ZFTRAF1: variants seen among roughly 807,000 people sequenced by gnomAD.
The protein encoded by ZFTRAF1 is zinc finger TRAF-type-containing protein 1.
the ZFTRAF1 span, chr8:144,453,526 A>G: frequency 3.6e-6 from 5 of 1,401,148 alleles, no homozygotes; most frequent in African/African-American, 7.1e-5. Flanking sequence ...ACACCCGCCC[A>G]TGCCCATCAG....
chr8:144,450,520 G>A, the ZFTRAF1 span: 8 of 718,316 alleles, frequency 1.1e-5, no homozygotes, highest in Non-Finnish European at 2.1e-5. Context: ...AGTGGTAGAT[G>A]ACGGGGCTGA....
chr8:144,459,399 G>T, the ZFTRAF1 span, among the ~76,000 whole-genome samples: 8 of 152,374 alleles, frequency 5.3e-5, no homozygotes, highest in South Asian at 1.0e-3. Context: ...CCCACACAGA[G>T]AACATAAAAG....
the ZFTRAF1 span, among the ~76,000 whole-genome samples, chr8:144,460,381 G>A: frequency 6.6e-6 from 1 of 152,248 alleles, no homozygotes; most frequent in East Asian, 1.9e-4. Context: ...GTCACCAGGA[G>A]CTCCGGTCAG....
At chr8:144,461,918 T>C in the ZFTRAF1 span, among the ~76,000 whole-genome samples, 1 of 151,952 alleles carries the variant, frequency 6.6e-6, no homozygotes, top group African/African-American at 2.4e-5. Flanking sequence ...CGGGGAGCAG[T>C]TGCGGGCTAA....
chr8:144,460,509 T>C, the ZFTRAF1 span, among the ~76,000 whole-genome samples: 4 of 152,202 alleles, frequency 2.6e-5, no homozygotes, highest in Admixed American at 6.5e-5. Context: ...CACCCACCAA[T>C]GGGGAGACAA....
At chr8:144,451,175 A>G in the ZFTRAF1 span, 1 of 176,708 alleles carries the variant, frequency 5.7e-6, no homozygotes, top group Non-Finnish European at 1.2e-5. Context: ...AGCTGCCAGA[A>G]AAGCCAGCAG....
chr8:144,451,700 G>A, the ZFTRAF1 span: 1 of 157,952 alleles, frequency 6.3e-6, no homozygotes, highest in East Asian at 1.9e-4. Flanking sequence ...CTGTCCTCTG[G>A]GCCAGGCTCT....
chr8:144,453,711 G>A, the ZFTRAF1 span: 4 of 457,684 alleles, frequency 8.7e-6, no homozygotes, highest in African/African-American at 3.9e-5. Context: ...AGCTCACAGA[G>A]GTGACAGCTC....
the ZFTRAF1 span, chr8:144,453,543 C>T: frequency 1.5e-6 from 2 of 1,294,976 alleles, no homozygotes; most frequent in East Asian, 2.5e-5. Flanking sequence ...TCAGCTCCAG[C>T]CAGGTGTCCT....
chr8:144,452,375 C>T, the ZFTRAF1 span: 1 of 1,549,650 alleles, frequency 6.5e-7, no homozygotes, highest in Non-Finnish European at 8.7e-7. Context: ...AGCCAATCTT[C>T]TCGAAGCTGA....
the ZFTRAF1 span, chr8:144,453,109 G>A: frequency 2.1e-6 from 2 of 949,494 alleles, no homozygotes; most frequent in South Asian, 3.2e-5. Context: ...GGTCCCCAAG[G>A]CCCAGACAGC....
the ZFTRAF1 span, among the ~76,000 whole-genome samples, chr8:144,459,917 G>C: frequency 6.6e-6 from 1 of 152,336 alleles, no homozygotes; most frequent in East Asian, 1.9e-4. Flanking sequence ...GCCAATCAAC[G>C]TGGTCACCAA....
At chr8:144,452,403 T>G in the ZFTRAF1 span, 1 of 1,550,132 alleles carries the variant, frequency 6.5e-7, no homozygotes, top group East Asian at 2.4e-5. Flanking sequence ...GAAGATGCTG[T>G]TGTACAGCTG....
At chr8:144,460,757 C>T in the ZFTRAF1 span, among the ~76,000 whole-genome samples, 1 of 152,198 alleles carries the variant, frequency 6.6e-6, no homozygotes, top group Admixed American at 6.5e-5. Flanking sequence ...GTGGCAGGCG[C>T]CTGTAATCCC....
the ZFTRAF1 span, among the ~76,000 whole-genome samples, chr8:144,461,757 G>A: frequency 5.3e-5 from 8 of 152,300 alleles, no homozygotes; most frequent in East Asian, 1.2e-3. Flanking sequence ...CAAGAGAAAG[G>A]ATTCTTCCAC....
At chr8:144,459,354 C>G in the ZFTRAF1 span, among the ~76,000 whole-genome samples, 1 of 152,268 alleles carries the variant, frequency 6.6e-6, no homozygotes, top group Non-Finnish European at 1.5e-5. Context: ...TGGCTGCACA[C>G]CTTGTCAGGC....
chr8:144,450,114 C>CG, the ZFTRAF1 span: 1 of 472,524 alleles, frequency 2.1e-6, no homozygotes, highest in Non-Finnish European at 3.9e-6. Flanking sequence ...CTCTGAGCCT[C>CG]GGGGCGCCTG....
chr8:144,462,228 C>A, the ZFTRAF1 span: 1 of 478,178 alleles, frequency 2.1e-6, no homozygotes, highest in Non-Finnish European at 3.7e-6. Flanking sequence ...TGGGGCCCCG[C>A]GGCGGGGGCT....
At chr8:144,451,806 G>A in the ZFTRAF1 span, 33 of 191,248 alleles carry the variant, frequency 1.7e-4, no homozygotes, top group Admixed American at 3.2e-4. Flanking sequence ...CAGCCTGGGC[G>A]TCTGTGGGTG....
Sources: gnomAD v4.1 joint callset for allele counts (sites outside exome capture counted in the v4.1 genomes callset) on GRCh38, gnomAD v4.1.1 for gene constraint, MANE v1.5 for transcripts, NCBI Gene and HGNC (gene_info 2026-07-23, HGNC 2026-07-21) for gene names.